The following NTM variants were observed in gnomAD, a reference collection of about 807,000 sequenced individuals.
The protein encoded by NTM is IgLON family member 2.
In NTM, 13 loss-of-function variants were observed where a neutral mutation model predicts 42.1. That is an observed-to-expected ratio of 0.31 (90% confidence interval 0.20 to 0.49). The LOEUF is 0.49. Ranked by LOEUF, NTM falls within the 20% of genes least tolerant of loss-of-function variation. NTM has a pLI of 0.99. For synonymous variants in NTM, 187 were observed against 179.2 expected (o/e 1.04, Z -0.35); for missense variants, 373 against 452.8 (o/e 0.82, Z 1.60).
intron 2 of NTM, among the ~76,000 whole-genome samples, chr11:132,014,151 C>T (rs2072880929): frequency 6.6e-6 from 1 of 152,058 alleles, no homozygotes; most frequent in African/African-American, 2.4e-5. Context: ...TGATATTTGT[C>T]TTTCTGTGCC....
chr11:132,032,177 G>A (rs11222872), intron 2 of NTM, among the ~76,000 whole-genome samples: 13,264 of 152,068 alleles, frequency 0.087, 766 homozygotes, highest in Non-Finnish European at 0.13. Context: ...CCATTCCACC[G>A]CCTGTCTCTT....
chr11:131,416,494 C>G (rs1946972003), intron 1 of NTM, among the ~76,000 whole-genome samples: 1 of 152,214 alleles, frequency 6.6e-6, no homozygotes, highest in African/African-American at 2.4e-5. Context: ...TGTCTGCCAC[C>G]TTCAACATTG....
At chr11:131,458,735 C>T (rs1951121699) in intron 1 of NTM, among the ~76,000 whole-genome samples, 1 of 152,214 alleles carries the variant, frequency 6.6e-6, no homozygotes, top group Admixed American at 6.5e-5. Flanking sequence ...CTCAGGCCAC[C>T]CATTCCCAGG....
At chr11:131,391,644 G>GAAAAAAAAAAAAAAAAAA (rs5795723) in intron 1 of NTM, among the ~76,000 whole-genome samples, 50 of 81,502 alleles carry the variant, frequency 6.1e-4, no homozygotes, top group Non-Finnish European at 8.3e-4. Flanking sequence ...TTTTATCTGG[G>GAAAAAAAAAAAAAAAAAA]AAAAAAAAAA....
intron 2 of NTM, among the ~76,000 whole-genome samples, chr11:132,088,910 ATT>A (rs34458278): frequency 1.2e-3 from 174 of 150,158 alleles, no homozygotes; most frequent in African/African-American, 3.5e-3. Flanking sequence ...CCCTTTAAAG[ATT>A]TTTTTTTTTT....
chr11:131,660,328 G>C (rs928309564), intron 1 of NTM: 3 of 367,618 alleles, frequency 8.2e-6, no homozygotes, highest in African/African-American at 6.4e-5. Flanking sequence ...AGGATGAAGA[G>C]GGGGATGGAG....
At chr11:131,833,219 G>A (rs928959539) in intron 1 of NTM, among the ~76,000 whole-genome samples, 7 of 152,168 alleles carry the variant, frequency 4.6e-5, no homozygotes, top group African/African-American at 1.7e-4. Context: ...CAGTGGAAAG[G>A]TGAGCTTTGT....
chr11:132,020,473 T>G (rs2074165496), intron 2 of NTM, among the ~76,000 whole-genome samples: 1 of 152,032 alleles, frequency 6.6e-6, no homozygotes, highest in South Asian at 2.1e-4. Flanking sequence ...TAGTGTACCA[T>G]TTAATTATTG....
intron 1 of NTM, among the ~76,000 whole-genome samples, chr11:131,859,376 G>A (rs1188636406): frequency 3.9e-5 from 6 of 152,284 alleles, no homozygotes; most frequent in Admixed American, 1.3e-4. Context: ...ACCTTGGTAC[G>A]GTTGACTTTC....
chr11:132,318,840 T>C (rs2095495215), intron 7 of NTM, among the ~76,000 whole-genome samples: 1 of 151,990 alleles, frequency 6.6e-6, no homozygotes, highest in Non-Finnish European at 1.5e-5. Flanking sequence ...AGGATGGCTG[T>C]AGACTTTGGA....
At chr11:131,918,827 G>A (rs975652034) in intron 2 of NTM, among the ~76,000 whole-genome samples, 3 of 152,276 alleles carry the variant, frequency 2.0e-5, no homozygotes, top group South Asian at 2.1e-4. Flanking sequence ...GGACCCAACC[G>A]ACCTCTAGAG....
chr11:131,708,069 A>G (rs1441712992), intron 1 of NTM, among the ~76,000 whole-genome samples: 1 of 152,190 alleles, frequency 6.6e-6, no homozygotes, highest in African/African-American at 2.4e-5. Flanking sequence ...AATTCACTGA[A>G]GTTACAGGCC....
chr11:131,553,873 G>A (rs1041951528), intron 1 of NTM, among the ~76,000 whole-genome samples: 4 of 152,114 alleles, frequency 2.6e-5, no homozygotes, highest in African/African-American at 9.7e-5. Flanking sequence ...TCTACAACCC[G>A]TTGCCCATAT....
At chr11:132,288,294 G>A (rs2139959648) in intron 4 of NTM, among the ~76,000 whole-genome samples, 1 of 152,280 alleles carries the variant, frequency 6.6e-6, no homozygotes, top group South Asian at 2.1e-4. Flanking sequence ...GTTTCTCAGT[G>A]CACAGAAGAT....
intron 1 of NTM, among the ~76,000 whole-genome samples, chr11:131,388,043 T>A (rs2135566700): frequency 6.6e-6 from 1 of 152,272 alleles, no homozygotes; most frequent in South Asian, 2.1e-4. Flanking sequence ...TCCTAAAATT[T>A]GAGAACCATT....
At chr11:131,582,750 T>C (rs1311863698) in intron 1 of NTM, among the ~76,000 whole-genome samples, 1 of 152,174 alleles carries the variant, frequency 6.6e-6, no homozygotes, top group Non-Finnish European at 1.5e-5. Flanking sequence ...CCCACGTCCA[T>C]TACTTTTCTG....
intron 2 of NTM, among the ~76,000 whole-genome samples, chr11:131,981,764 A>C (rs1302706363): frequency 6.6e-6 from 1 of 152,130 alleles, no homozygotes; most frequent in Non-Finnish European, 1.5e-5. Context: ...TAATCCCAGC[A>C]CATTGGGAGG....
At chr11:131,848,583 C>G (rs2045191737) in intron 1 of NTM, among the ~76,000 whole-genome samples, 1 of 152,212 alleles carries the variant, frequency 6.6e-6, no homozygotes, top group Non-Finnish European at 1.5e-5. Flanking sequence ...TTGAAGAGGT[C>G]CACTTCCCTT....
intron 3 of NTM, among the ~76,000 whole-genome samples, chr11:132,195,472 A>C (rs1592149597): frequency 7.2e-6 from 1 of 139,830 alleles, no homozygotes; most frequent in African/African-American, 2.8e-5. Context: ...TATAGAACCA[A>C]AAAAAAAAAA....
Sources: gnomAD v4.1 joint callset for allele counts (sites outside exome capture counted in the v4.1 genomes callset) on GRCh38, gnomAD v4.1.1 for gene constraint, MANE v1.5 for transcripts, NCBI Gene and HGNC (gene_info 2026-07-23, HGNC 2026-07-21) for gene names.